PDGFC: variants seen among roughly 807,000 people sequenced by gnomAD.
PDGFC encodes platelet-derived growth factor C.
PDGFC carries 12 observed loss-of-function variants against 35.5 expected under a neutral mutation model. The ratio of observed to expected loss-of-function variants is 0.34; its 90% confidence interval spans 0.22 to 0.55. PDGFC has a LOEUF of 0.55. PDGFC is among the 20% of genes least tolerant of loss of function. PDGFC has a pLI of 0.91. For synonymous variants in PDGFC, 159 were observed against 148.8 expected (o/e 1.07, Z -0.50); for missense variants, 322 against 412.4 (o/e 0.78, Z 1.90).
chr4:156,955,680 C>A (rs949212567), intron 1 of PDGFC, among the ~76,000 whole-genome samples: 30 of 152,012 alleles, frequency 2.0e-4, no homozygotes, highest in Middle Eastern at 3.4e-3. Flanking sequence ...CAAAAAGACA[C>A]ACCCTTATTA....
intron 1 of PDGFC, among the ~76,000 whole-genome samples, chr4:156,905,408 T>G (rs1214713797): frequency 6.6e-6 from 1 of 152,098 alleles, no homozygotes; most frequent in Non-Finnish European, 1.5e-5. Flanking sequence ...TTATAATCAT[T>G]TATGTTTATT....
intron 2 of PDGFC, among the ~76,000 whole-genome samples, chr4:156,831,443 T>TC (rs1308486146): frequency 7.0e-6 from 1 of 143,134 alleles, no homozygotes; most frequent in East Asian, 2.0e-4. Flanking sequence ...CCCTGTCTTT[T>TC]TTTTTTTTTT....
chr4:156,950,267 C>T (rs1404848569), intron 1 of PDGFC, among the ~76,000 whole-genome samples: 1 of 151,806 alleles, frequency 6.6e-6, no homozygotes, highest in African/African-American at 2.4e-5. Flanking sequence ...AGGAAAGTGA[C>T]CCTTAGCACA....
intron 2 of PDGFC, among the ~76,000 whole-genome samples, chr4:156,827,918 T>G (rs998402263): frequency 6.6e-6 from 1 of 152,120 alleles, no homozygotes; most frequent in African/African-American, 2.4e-5. Flanking sequence ...AAAACACACA[T>G]GTACACATGG....
chr4:156,959,859 C>G lies in PDGFC; in HGVS notation c.118+10927G>C, dbSNP rs187724013. Among the ~76,000 whole-genome samples the G allele has an allele frequency of 1.5e-4, 23 of 151,894 alleles. No individual in the cohort carries two copies. The East Asian group carries it at 4.3e-3, about 28-fold the overall frequency. ...GTAAATGTTAGTTCTAAAAGGAAAC[C>G]ATTTTAAAGCTGTTAGTTTAATGGG... On this transcript the variant is annotated intron_variant, in intron 1 of 5. Transcript: ENST00000502773.
At chr4:156,946,475 G>C (rs1157749947) in intron 1 of PDGFC, among the ~76,000 whole-genome samples, 2 of 151,984 alleles carry the variant, frequency 1.3e-5, no homozygotes, top group African/African-American at 4.8e-5. Context: ...ATGAAAAATG[G>C]CCTTGGTATT....
intron 1 of PDGFC, among the ~76,000 whole-genome samples, chr4:156,965,878 C>T (rs1340920892): frequency 6.6e-6 from 1 of 152,100 alleles, no homozygotes; most frequent in Non-Finnish European, 1.5e-5. Context: ...TGTCAAAATG[C>T]TTAACAATCA....
chr4:156,848,713 A>G (rs183342893), intron 2 of PDGFC, among the ~76,000 whole-genome samples: 25 of 152,130 alleles, frequency 1.6e-4, no homozygotes, highest in Admixed American at 1.4e-3. Flanking sequence ...ACACATAGAG[A>G]AATATGTACT....
intron 1 of PDGFC, among the ~76,000 whole-genome samples, chr4:156,941,473 C>A (rs954598208): frequency 6.6e-6 from 1 of 152,140 alleles, no homozygotes; most frequent in Non-Finnish European, 1.5e-5. Flanking sequence ...ACAGCTTTCA[C>A]AGGAATACTG....
At position 156,760,869 on chromosome 4, in the gene PDGFC, T is replaced by G. The variant is rs2110770883; in HGVS notation, c.*2221A>C. ...AGTTAAACAGGCTATTTACTAAGAC[T>G]TAGTAGTCTTTACTATACTAATGAA... On this transcript the variant is annotated 3_prime_UTR_variant, in exon 6 of 6. Coordinates refer to ENST00000502773, the MANE Select transcript of PDGFC (RefSeq NM_016205.3). The G allele has an allele frequency of 6.6e-6, 1 of 152,304 alleles. No homozygotes were observed. The highest frequency in any genetic ancestry group is 3.4e-3 in the Middle Eastern group (1 of 294). The allele number at this position is 152,304 out of a possible 1,614,324, so 9.4% of individuals were successfully genotyped here.
chr4:156,791,568 T>A (rs1731301028), intron 3 of PDGFC, among the ~76,000 whole-genome samples: 1 of 151,606 alleles, frequency 6.6e-6, no homozygotes, highest in African/African-American at 2.4e-5. Flanking sequence ...AAGAATTATT[T>A]AAGATAAAGC....
chr4:156,971,427 A>T lies in PDGFC; in HGVS notation c.-524T>A. 3.0e-6 allele frequency: 1 copy of T among 329,562 alleles called. No individual in the cohort carries two copies. Among genetic ancestry groups the T allele is most frequent in the Non-Finnish European group, 5.5e-6 (1 of 183,282 alleles). The allele number at this position is 329,562 out of a possible 1,614,324, so 20.4% of individuals were successfully genotyped here. A position where few individuals can be genotyped will look rare whatever the true frequency, so the allele number is the denominator to read the frequency against. ...TCCCCCGCCCCACCCCCCACCCCCG[A>T]AGGGGGAGGGGGAAGAAACAAGGCG... On this transcript the variant is annotated 5_prime_UTR_variant, in exon 1 of 6. Transcript: ENST00000502773.
At chr4:156,933,495 T>C (rs572428190) in intron 1 of PDGFC, among the ~76,000 whole-genome samples, 1 of 152,334 alleles carries the variant, frequency 6.6e-6, no homozygotes, top group African/African-American at 2.4e-5. Context: ...TAAACAAGCA[T>C]CCTTTCTGCA....
chr4:156,768,497 C>T (rs1220403159), intron 4 of PDGFC, among the ~76,000 whole-genome samples: 1 of 151,868 alleles, frequency 6.6e-6, no homozygotes, highest in African/African-American at 2.4e-5. Flanking sequence ...CAATAACCAT[C>T]ATAAAATATA....
intron 3 of PDGFC, among the ~76,000 whole-genome samples, chr4:156,806,266 T>A (rs1731767620): frequency 1.3e-5 from 2 of 152,024 alleles, no homozygotes; most frequent in Non-Finnish European, 2.9e-5. Context: ...GCCCAGCTTA[T>A]CAGGCAAAGA....
chr4:156,960,002 C>G (rs1400581410), intron 1 of PDGFC, among the ~76,000 whole-genome samples: 1 of 151,676 alleles, frequency 6.6e-6, no homozygotes, highest in African/African-American at 2.4e-5. Context: ...ATTTTTTCTT[C>G]GTTATCATGG....
chr4:156,856,002 T>C (rs1729571421), intron 1 of PDGFC, among the ~76,000 whole-genome samples: 1 of 152,144 alleles, frequency 6.6e-6, no homozygotes, highest in African/African-American at 2.4e-5. Context: ...GCAAACTATA[T>C]AGAATTACTC....
At position 156,761,889 on chromosome 4, in the gene PDGFC, C is replaced by A. The variant is rs532367832; in HGVS notation, c.*1201G>T. ...AATAGGATGTGTTCCTACTGCACAG[C>A]ACAGCACGCTTTATCAGGAAGCTGC... On this transcript the variant is annotated 3_prime_UTR_variant, in exon 6 of 6. Transcript: ENST00000502773. 6.5e-6 allele frequency: 1 copy of A among 152,716 alleles called. No homozygotes were observed. Among genetic ancestry groups the A allele is most frequent in the East Asian group, 1.9e-4 (1 of 5,166 alleles). The allele number at this position is 152,716 out of a possible 1,614,324, so 9.5% of individuals were successfully genotyped here.
At chr4:156,937,604 G>A (rs537581287) in intron 1 of PDGFC, among the ~76,000 whole-genome samples, 225 of 152,254 alleles carry the variant, frequency 1.5e-3, no homozygotes, top group African/African-American at 5.0e-3. Context: ...GAGGCTTGAG[G>A]TGGGAGGATC....
Sources: allele counts gnomAD v4.1 joint callset (sites outside exome capture counted in the v4.1 genomes callset), GRCh38; gene constraint gnomAD v4.1.1; transcripts MANE v1.5; gene names NCBI Gene and HGNC (gene_info 2026-07-23, HGNC 2026-07-21).